The following CATSPERZ variants were observed in gnomAD, a reference collection of about 807,000 sequenced individuals.
CATSPERZ encodes catsper channel auxiliary subunit zeta.
Under a neutral mutation model 21.7 loss-of-function variants are expected in CATSPERZ, and 21 were observed. The observed-to-expected ratio is 0.97, with a 90% confidence interval of 0.69 to 1.39. CATSPERZ has a LOEUF of 1.39. CATSPERZ is among the 40% of genes most tolerant of loss of function. CATSPERZ has a pLI of 0.00. For missense variants in CATSPERZ, 234 were observed against 259.5 expected (o/e 0.90, Z 0.68); for synonymous variants, 127 against 108.7 (o/e 1.17, Z -1.05).
chr11:64,304,501 C>A (rs1237442022), intron 4 of CATSPERZ, 42 bp from the exon 5 acceptor site: 1 of 1,496,194 alleles, frequency 6.7e-7, no homozygotes, highest in Non-Finnish European at 9.0e-7. Flanking sequence ...GGAGACCTTT[C>A]GGTTGCTCAC....
chr11:64,301,711 G>A lies in CATSPERZ; in HGVS notation c.352+724G>A, dbSNP rs1268950959. Among the ~76,000 whole-genome samples the A allele has an allele frequency of 2.0e-5, 3 of 151,948 alleles. No homozygotes were observed. In the East Asian group the frequency reaches 5.8e-4, roughly 29 times the overall value. On this transcript the variant is annotated intron_variant, in intron 2 of 4. Coordinates refer to ENST00000328404, the MANE Select transcript of CATSPERZ (RefSeq NM_001039496.2). ...AGATGACGTCCTGCTTTGTCACCCAGGCTGGAGTGCAGTGTTGTGATCATA... is the reference window on the plus strand; with the variant it reads ...AGATGACGTCCTGCTTTGTCACCCAAGCTGGAGTGCAGTGTTGTGATCATA...
At chr11:64,302,886 CTTTTT>C (rs71045759) in intron 2 of CATSPERZ, among the ~76,000 whole-genome samples, 2 of 122,452 alleles carry the variant, frequency 1.6e-5, no homozygotes, top group African/African-American at 3.1e-5. Flanking sequence ...AAGAGCTGTT[CTTTTT>C]TTTTTTTTTT....
intron 4 of CATSPERZ, among the ~76,000 whole-genome samples, chr11:64,304,301 C>G (rs1331071341): frequency 6.6e-6 from 1 of 152,072 alleles, no homozygotes; most frequent in East Asian, 1.9e-4. Context: ...GCAAACTGCT[C>G]GCTACCACCG....
chr11:64,301,024 G>A (rs2034916617), intron 2 of CATSPERZ, 37 bp downstream of exon 2: 3 of 1,472,242 alleles, frequency 2.0e-6, no homozygotes, highest in East Asian at 5.0e-5. Context: ...GCACCCGCAG[G>A]GCAATAAGCT....
intron 4 of CATSPERZ, 80 bp from the exon 5 acceptor site, chr11:64,304,463 G>A: frequency 9.0e-7 from 1 of 1,105,980 alleles, no homozygotes; most frequent in Non-Finnish European, 1.3e-6. Context: ...GCGGTTCCTC[G>A]AATCACACAT....
At chr11:64,300,518 C>T in intron 1 of CATSPERZ, 87 bp downstream of exon 1, 2 of 1,549,278 alleles carry the variant, frequency 1.3e-6, no homozygotes, top group Non-Finnish European at 1.8e-6. Flanking sequence ...TCTTACTCAG[C>T]CTTGGCTGCC....
rs371993262 is a variant in CATSPERZ, at chr11:64,304,560, G to T, written c.517G>T (p.Gly173Cys). 13 of 1,586,158 alleles carry T rather than the reference G, an allele frequency of 8.2e-6. No homozygotes were observed. The African/African-American group carries it at 1.6e-4, about 20-fold the overall frequency. Residue 173 changes from glycine to cysteine, a missense_variant, in exon 5 of 5, where the codon GGC becomes TGC. Coordinates refer to ENST00000328404, the MANE Select transcript of CATSPERZ (RefSeq NM_001039496.2). Reference sequence around the variant, plus strand: ...CCTCCTAGGCTACCAGTTAGGGATCGGCAGGGACCACTTCCTGACTAAGGA... The same window carrying T: ...CCTCCTAGGCTACCAGTTAGGGATCTGCAGGGACCACTTCCTGACTAAGGA... ...KALRSYQLGI[G>C]RDHFLTKELQ...
At chr11:64,300,509 C>T (rs1237842173) in intron 1 of CATSPERZ, 78 bp downstream of exon 1, 9 of 1,558,726 alleles carry the variant, frequency 5.8e-6, no homozygotes, top group Non-Finnish European at 7.8e-6. Flanking sequence ...GGCGCTATTT[C>T]TTACTCAGCC....
At position 64,303,468 on chromosome 11, in the gene CATSPERZ, T is replaced by G; in HGVS notation, c.353-14T>G. ...GAGTCTGCGGATGACTAACCCTTTT[T>G]TCTCTTCTCCCAGAAAAGTCTTCCT... is the stretch of plus-strand genomic sequence containing the variant. On this transcript the variant is annotated splice_polypyrimidine_tract_variant and intron_variant, in intron 2 of 4. Transcript: ENST00000328404. 1 of 1,608,006 alleles carries G rather than the reference T, an allele frequency of 6.2e-7. No homozygotes were observed. The highest frequency in any genetic ancestry group is 8.5e-7 in the Non-Finnish European group (1 of 1,176,708).
chr11:64,303,402 C>A, intron 2 of CATSPERZ, 80 bp from the exon 3 acceptor site: 1 of 1,188,634 alleles, frequency 8.4e-7, no homozygotes, highest in Admixed American at 2.1e-5. Flanking sequence ...TTCCCTCTCA[C>A]AAGGTGCCTA....
chr11:64,303,562 G>A lies in CATSPERZ; in HGVS notation c.432+1G>A. 6.2e-7 allele frequency: 1 copy of A among 1,612,942 alleles called. No homozygotes were observed. The highest frequency in any genetic ancestry group is 8.5e-7 in the Non-Finnish European group (1 of 1,179,528). On this transcript the variant is annotated splice_donor_variant, in intron 3 of 4. Transcript: ENST00000328404. LOFTEE classifies it high-confidence loss of function. ...CTACTGGGCAGAGCAGCAGAGCAGG[G>A]TTGGAGGGGCTGGGGAGACTGGGCG...
chr11:64,301,601 T>G (rs981298112), intron 2 of CATSPERZ, among the ~76,000 whole-genome samples: 1 of 152,070 alleles, frequency 6.6e-6, no homozygotes, highest in Non-Finnish European at 1.5e-5. Flanking sequence ...CTCGAACTCC[T>G]GACCTCAAGT....
Position 64,303,944 on chromosome 11 carries a change from A to G in CATSPERZ, c.499+105A>G, listed in dbSNP as rs970139322. ...GTTTCAGGGTGCCTTATGTCTTGTC[A>G]GATGCCCTTGGCACTCACAAGTATT... On this transcript the variant is annotated intron_variant, in intron 4 of 4. Coordinates refer to ENST00000328404, the MANE Select transcript of CATSPERZ (RefSeq NM_001039496.2). 1.0e-5 allele frequency: 12 copies of G among 1,147,092 alleles called. No individual in the cohort carries two copies. The African/African-American group carries it at 1.9e-4, about 18-fold the overall frequency. 71.1% of individuals were successfully genotyped at this position (1,147,092 alleles called of 1,614,324 possible).
intron 1 of CATSPERZ, 101 bp downstream of exon 1, chr11:64,300,532 A>C: frequency 2.6e-6 from 4 of 1,522,754 alleles, no homozygotes; most frequent in Admixed American, 1.9e-5. Context: ...GGCTGCCCGC[A>C]GCCCCCACCC....
intron 2 of CATSPERZ, among the ~76,000 whole-genome samples, chr11:64,303,207 T>A (rs577292013): frequency 1.3e-5 from 2 of 152,278 alleles, no homozygotes; most frequent in South Asian, 4.1e-4. Flanking sequence ...CCAAGAGCTG[T>A]TCTTATTACC....
Position 64,303,622 on chromosome 11 carries a change from TG to T in CATSPERZ, c.432+62del. 4 of 1,520,646 alleles carry T rather than the reference TG, an allele frequency of 2.6e-6. No homozygotes were observed. In the South Asian group the frequency reaches 3.5e-5, roughly 13 times the overall value. The allele number at this position is 1,520,646 out of a possible 1,614,324, so 94.2% of individuals were successfully genotyped here. A position where few individuals can be genotyped will look rare whatever the true frequency, so the allele number is the denominator to read the frequency against. ...GGTAGGGGATAGGCAAATTGGGGGT[TG>T]ATAGGATATGAAAGTTGGGGGTGGT... On this transcript the variant is annotated intron_variant, in intron 3 of 4. Transcript: ENST00000328404.
rs1025910235 is a variant in CATSPERZ, at chr11:64,300,733, C to T, written c.98C>T (p.Thr33Met). 6.4e-7 allele frequency: 1 copy of T among 1,551,580 alleles called. No homozygotes were observed. Among genetic ancestry groups the T allele is most frequent in the African/African-American group, 1.4e-5 (1 of 73,212 alleles). ...AGCGACACTCGGGACCTGTGGACCACGACCACGCTGTCCCAGGCACAGCTG... is the reference window on the plus strand; with the variant it reads ...AGCGACACTCGGGACCTGTGGACCATGACCACGCTGTCCCAGGCACAGCTG... ...VHSDTRDLWT[T>M]TTLSQAQLNM... Residue 33 changes from threonine (T) to methionine (M), a missense_variant, in exon 2 of 5, where the codon ACG becomes ATG. Transcript: ENST00000328404.
At position 64,303,515 on chromosome 11, in the gene CATSPERZ, C is replaced by T. The variant is rs376949802; in HGVS notation, c.386C>T (p.Ala129Val). 102 of 1,613,204 alleles carry T rather than the reference C, an allele frequency of 6.3e-5. No homozygotes were observed. Among genetic ancestry groups the T allele is most frequent in the Non-Finnish European group, 7.2e-5 (85 of 1,179,672 alleles). Reference protein sequence around the residue: ...KSSSMSSLNIAKHMPHRAYWA... With the variant: ...KSSSMSSLNIVKHMPHRAYWA... ...TCCTCAATGTCATCACTCAATATTG[C>T]GAAGCACATGCCCCATCGAGCCTAC... Residue 129 changes from alanine to valine, a missense_variant, in exon 3 of 5, where the codon GCG becomes GTG. Coordinates refer to ENST00000328404, the MANE Select transcript of CATSPERZ (RefSeq NM_001039496.2).
rs765053386 is a variant in CATSPERZ, at chr11:64,304,617, CGCCGGA to C, written c.577_582del (p.Arg193_Ser194del). On this transcript the variant is annotated inframe_deletion, in exon 5 of 5. Transcript: ENST00000328404. Reference sequence around the variant, plus strand: ...GCGATACATCGAAGGGCTCAAGAAGCGCCGGAGCAAGAGGCTGTACGTGAATTAAAA... The same window carrying C: ...GCGATACATCGAAGGGCTCAAGAAGCGCAAGAGGCTGTACGTGAATTAAAA... 4.3e-5 allele frequency: 68 copies of C among 1,580,544 alleles called. No homozygotes were observed. The Middle Eastern group carries it at 5.0e-4, about 12-fold the overall frequency.
Sources: allele counts gnomAD v4.1 joint callset (sites outside exome capture counted in the v4.1 genomes callset), GRCh38; gene constraint gnomAD v4.1.1; transcripts MANE v1.5; gene names NCBI Gene and HGNC (gene_info 2026-07-23, HGNC 2026-07-21).